The following GTF2IRD1 variants were observed in gnomAD, a reference collection of about 807,000 sequenced individuals.
The protein encoded by GTF2IRD1 is general transcription factor II-I repeat domain-containing protein 1.
GTF2IRD1 carries 26 observed loss-of-function variants against 113.2 expected under a neutral mutation model. The observed-to-expected ratio is 0.23, with a 90% CI of 0.17 to 0.32. GTF2IRD1 has a LOEUF of 0.32. Ranked by LOEUF, GTF2IRD1 falls within the 10% of genes least tolerant of loss-of-function variation. The pLI, the probability that GTF2IRD1 is intolerant of heterozygous loss-of-function variation, is 1.00. For missense variants in GTF2IRD1, 864 were observed against 1,280.8 expected (o/e 0.67, Z 4.97); for synonymous variants, 484 against 529.1 (o/e 0.91, Z 1.17).
At chr7:74,580,355 G>A (rs587632724) in intron 22 of GTF2IRD1, among the ~76,000 whole-genome samples, 3 of 152,056 alleles carry the variant, frequency 2.0e-5, no homozygotes, top group Admixed American at 6.6e-5. Context: ...CTTGCCCTTC[G>A]CTGGCTGCGT....
intron 10 of GTF2IRD1, 63 bp downstream of exon 10, chr7:74,535,201 C>G (rs1237052414): frequency 6.8e-6 from 9 of 1,326,602 alleles, no homozygotes; most frequent in Non-Finnish European, 9.8e-6. Context: ...AGAACCCGAG[C>G]TGCCACCACC....
Position 74,512,961 on chromosome 7 carries a change from C to T in GTF2IRD1, c.255C>T (p.Leu85=), listed in dbSNP as rs377354300. 1 of 1,613,770 alleles carries T rather than the reference C, an allele frequency of 6.2e-7. No homozygotes were observed. Among genetic ancestry groups the T allele is most frequent in the Non-Finnish European group, 8.5e-7 (1 of 1,179,952 alleles). The part of the protein sequence containing the change: ...NARKELQSDF[L]RFCRGPPWKD... ...GGAAGGAGCTACAGTCAGACTTCCT[C>T]AGGTTCTGCCGTGAGTACCCCAGGG... The change falls in exon 3 of 27, where the codon CTC becomes CTT. Residue 85 remains leucine (L), a synonymous_variant. Transcript: ENST00000424337. The surrounding 1 kb of genome is among the most constrained non-coding windows in gnomAD (Gnocchi z 4.4).
At chr7:74,470,224 A>G (rs1388131426) in intron 1 of GTF2IRD1, among the ~76,000 whole-genome samples, 1 of 152,168 alleles carries the variant, frequency 6.6e-6, no homozygotes, top group Non-Finnish European at 1.5e-5. Flanking sequence ...GACTCAAACA[A>G]TCCACCCACT....
chr7:74,470,948 C>T lies in GTF2IRD1; in HGVS notation c.-7+16772C>T, dbSNP rs150338631. 1.0e-3 allele frequency among the ~76,000 whole-genome samples: 152 copies of T among 152,220 alleles called. 2 individuals carry two copies. The East Asian group carries it at 0.026, about 26-fold the overall frequency. On this transcript the variant is annotated intron_variant, in intron 1 of 26. Transcript: ENST00000424337. ...CCTCCCAAGTAGCTGGGACAACAGG[C>T]GTGCCACCACACCTGGTTAATTTTT...
rs1187533756 is a variant in GTF2IRD1 at position 74,561,687 on chromosome 7, C to A, written c.2320+2032C>A. ...AGTGAGTGTGGCTCCAGTGGACACC[C>A]GGCTGAGAGGTCACTGGGTTTCTGG... is the stretch of plus-strand genomic sequence containing the variant. On this transcript the variant is annotated intron_variant, in intron 22 of 26. Coordinates refer to ENST00000424337, the MANE Select transcript of GTF2IRD1 (RefSeq NM_005685.4). Among the ~76,000 whole-genome samples, 7 of 152,026 alleles carry A rather than the reference C, an allele frequency of 4.6e-5. No homozygotes were observed. The South Asian group carries it at 8.4e-4, about 18-fold the overall frequency.
intron 1 of GTF2IRD1, among the ~76,000 whole-genome samples, chr7:74,466,561 C>T (rs1490696641): frequency 1.3e-5 from 2 of 152,136 alleles, no homozygotes; most frequent in South Asian, 2.1e-4. Context: ...GCTGCTGCCT[C>T]TCCCCTAGAG....
intron 1 of GTF2IRD1, among the ~76,000 whole-genome samples, chr7:74,494,372 C>A (rs998433069): frequency 1.3e-5 from 2 of 152,206 alleles, no homozygotes; most frequent in Non-Finnish European, 2.9e-5. Context: ...TTCTCTGCTG[C>A]CCCCCGGCCC....
intron 21 of GTF2IRD1, 135 bp from the exon 22 acceptor site, chr7:74,559,492 G>T (rs1799816234): frequency 2.8e-6 from 2 of 725,850 alleles, no homozygotes; most frequent in East Asian, 2.8e-5. Flanking sequence ...CCCCAGGGCA[G>T]CTTGTTAAAA....
intron 25 of GTF2IRD1, among the ~76,000 whole-genome samples, chr7:74,598,203 A>G (rs1802536966): frequency 6.9e-6 from 1 of 145,592 alleles, no homozygotes; most frequent in Non-Finnish European, 1.5e-5. Context: ...AGCCTGGGCG[A>G]CAGAGTGAGA....
intron 1 of GTF2IRD1, among the ~76,000 whole-genome samples, chr7:74,464,516 G>A (rs1311083271): frequency 2.6e-5 from 4 of 152,002 alleles, no homozygotes; most frequent in Admixed American, 2.0e-4. Context: ...GTGTGATCAC[G>A]GCTCATGGCA....
intron 22 of GTF2IRD1, among the ~76,000 whole-genome samples, chr7:74,574,174 G>GAGACAGAGTCTTCAGGC (rs1800864067): frequency 3.7e-5 from 2 of 54,340 alleles, no homozygotes; most frequent in African/African-American, 1.3e-4. Flanking sequence ...TTTTTTTTTT[G>GAGACAGAGTCTTCAGGC]TATTTTTAGT....
At chr7:74,538,027 C>T in intron 11 of GTF2IRD1, 109 bp from the exon 12 acceptor site, 2 of 974,484 alleles carry the variant, frequency 2.1e-6, no homozygotes, top group East Asian at 2.4e-5. Context: ...GACAGGGATG[C>T]CTTCTGCAGT....
chr7:74,514,050 C>T (rs185604828), intron 3 of GTF2IRD1, among the ~76,000 whole-genome samples: 6 of 152,110 alleles, frequency 3.9e-5, no homozygotes, highest in African/African-American at 7.2e-5. Flanking sequence ...GAGAACGGGC[C>T]GCCTGGGTCC....
At chr7:74,537,937 T>A (rs1182552639) in intron 11 of GTF2IRD1, among the ~76,000 whole-genome samples, 199 bp from the exon 12 acceptor site, 2 of 152,146 alleles carry the variant, frequency 1.3e-5, no homozygotes, top group African/African-American at 4.8e-5. Flanking sequence ...GAGATTGTGG[T>A]CCCTGGAGAC....
chr7:74,515,493 G>T lies in GTF2IRD1; in HGVS notation c.318G>T (p.Arg106=). ...PEAEHPKKVQ[R]GEGGGRSLPR... Reference sequence around the variant, plus strand: ...CAGAGCACCCCAAGAAGGTGCAGCGGGGCGAGGGTGGAGGCCGTAGCCTCC... The same window carrying T: ...CAGAGCACCCCAAGAAGGTGCAGCGTGGCGAGGGTGGAGGCCGTAGCCTCC... The change falls in exon 4 of 27, where the codon CGG becomes CGT. Residue 106 remains arginine (R), a synonymous_variant. Coordinates refer to ENST00000424337, the MANE Select transcript of GTF2IRD1 (RefSeq NM_005685.4). The T allele has an allele frequency of 6.2e-7, 1 of 1,612,182 alleles. No homozygotes were observed. Among genetic ancestry groups the T allele is most frequent in the South Asian group, 1.1e-5 (1 of 90,618 alleles).
At chr7:74,495,779 G>A (rs144072070) in intron 1 of GTF2IRD1, among the ~76,000 whole-genome samples, 430 of 152,334 alleles carry the variant, frequency 2.8e-3, no homozygotes, top group Non-Finnish European at 4.6e-3. Flanking sequence ...AGGCCTGAGC[G>A]AGAGTGCAAG....
intron 3 of GTF2IRD1, among the ~76,000 whole-genome samples, chr7:74,514,308 C>T (rs571174511): frequency 6.6e-6 from 1 of 152,096 alleles, no homozygotes; most frequent in South Asian, 2.1e-4. Flanking sequence ...CCAGCCAGCC[C>T]CCCACCCCCC....
chr7:74,591,718 T>G (rs587663647), intron 24 of GTF2IRD1, among the ~76,000 whole-genome samples: 1 of 152,126 alleles, frequency 6.6e-6, no homozygotes, highest in African/African-American at 2.4e-5. Context: ...TTACAATCTT[T>G]TGGGTTTTGG....
rs192118496 is a variant in GTF2IRD1 at position 74,480,269 on chromosome 7, A to G, written c.-7+26093A>G. Among the ~76,000 whole-genome samples, 856 of 152,096 alleles carry G rather than the reference A, an allele frequency of 5.6e-3. 27 individuals are homozygous for G. Among genetic ancestry groups the G allele is most frequent in the Admixed American group, 0.045 (692 of 15,276 alleles). ...GGTGTGGGACACAGTGTGAGAGAGTATTGGTGCCTGTGAGCTGGTGGCTGT... is the reference window on the plus strand; with the variant it reads ...GGTGTGGGACACAGTGTGAGAGAGTGTTGGTGCCTGTGAGCTGGTGGCTGT... On this transcript the variant is annotated intron_variant, in intron 1 of 26. Coordinates refer to ENST00000424337, the MANE Select transcript of GTF2IRD1 (RefSeq NM_005685.4).
Sources: gnomAD v4.1 joint callset for allele counts (sites outside exome capture counted in the v4.1 genomes callset) on GRCh38, gnomAD v4.1.1 for gene constraint, Gnocchi (gnomAD v3.1) non-coding constraint, MANE v1.5 for transcripts, NCBI Gene and HGNC (gene_info 2026-07-23, HGNC 2026-07-21) for gene names.